The following ABAT variants were observed in gnomAD, a reference collection of about 807,000 sequenced individuals.
ABAT encodes 4-aminobutyrate aminotransferase, mitochondrial.
Under a neutral mutation model 64.6 loss-of-function variants are expected in ABAT, and 45 were observed. The ratio of observed to expected loss-of-function variants is 0.70; its 90% confidence interval spans 0.55 to 0.89. The LOEUF (loss-of-function observed/expected upper bound fraction) is 0.89, where lower values mean the gene tolerates loss of function less well. Ranked by LOEUF, ABAT falls within the 40% of genes least tolerant of loss-of-function variation. The pLI is 0.00. For missense variants in ABAT, 633 were observed against 658.4 expected, an observed-to-expected ratio of 0.96 and a Z score of 0.42; for synonymous variants, 297 against 250.5, an observed-to-expected ratio of 1.19 and a Z score of -1.75.
In ABAT at chr16:8,775,049, C is replaced by T; in HGVS notation, c.1114C>T (p.Pro372Ser). The T allele has an allele frequency of 6.2e-7, 1 of 1,614,186 alleles. No homozygotes were observed. The highest frequency in any genetic ancestry group is 2.2e-5 in the East Asian group (1 of 44,886). The change falls in exon 13 of 16, where the codon CCT (proline) becomes TCT (serine). Residue 372 changes from proline to serine, a missense_variant. Coordinates refer to ENST00000268251, the MANE Select transcript of ABAT (RefSeq NM_020686.6). ...CTTCTTCCACAAGGAGGAGTTCAGG[C>T]CTAATGCTGTGAGTTGGAGCCAACC... Reference protein sequence around the residue: ...GGFFHKEEFRPNAPYRIFNTW... With the variant: ...GGFFHKEEFRSNAPYRIFNTW...
intron 1 of ABAT, among the ~76,000 whole-genome samples, chr16:8,731,128 AATTTTTGTATTTT>A (rs2058707710): frequency 2.6e-5 from 4 of 151,982 alleles, no homozygotes; most frequent in Non-Finnish European, 5.9e-5. Flanking sequence ...ACACCCAGCT[AATTTTTGTATTTT>A]TAGTAGAGAC....
chr16:8,703,518 C>A (rs895032523), intron 1 of ABAT, among the ~76,000 whole-genome samples: 2 of 151,936 alleles, frequency 1.3e-5, no homozygotes, highest in East Asian at 3.9e-4. Context: ...AAGCAAAAGT[C>A]TTACAAATGT....
chr16:8,781,033 CAAAGG>C lies in ABAT; in HGVS notation c.1382-274_1382-270del, dbSNP rs1337344030. Among the ~76,000 whole-genome samples, 2 of 151,476 alleles carry C rather than the reference CAAAGG, an allele frequency of 1.3e-5. No homozygotes were observed. Among genetic ancestry groups the C allele is most frequent in the Non-Finnish European group, 2.9e-5 (2 of 67,976 alleles). On this transcript the variant is annotated intron_variant, in intron 15 of 15. Coordinates refer to ENST00000268251, the MANE Select transcript of ABAT (RefSeq NM_020686.6). This position sits in a 1 kb window ranked among gnomAD's most constrained non-coding sequence, Gnocchi z 4.5. ...AGCTTGGGGCAGCAAAGCAGGCACT[CAAAGG>C]AGAGAGGGAGGGAGGAAGGGAAAAA...
In ABAT at chr16:8,768,198, T is replaced by A; in HGVS notation, c.609T>A (p.Pro203=). The A allele has an allele frequency of 1.9e-6, 3 of 1,614,112 alleles. No individual in the cohort carries two copies. Among genetic ancestry groups the A allele is most frequent in the Non-Finnish European group, 2.5e-6 (3 of 1,180,024 alleles). The part of the protein sequence containing the change: ...ELETCMINQA[P]GCPDYSILSF... ...CTGATATTTCTTGGTTTTAGGCCCC[T>A]GGCTGCCCCGACTACAGCATCCTCT... The change falls in exon 10 of 16, where the codon CCT becomes CCA. Residue 203 remains proline, a synonymous_variant. Coordinates refer to ENST00000268251, the MANE Select transcript of ABAT (RefSeq NM_020686.6).
intron 2 of ABAT, among the ~76,000 whole-genome samples, chr16:8,744,358 G>A (rs559883403): frequency 6.6e-6 from 1 of 151,908 alleles, no homozygotes; most frequent in East Asian, 2.0e-4. Flanking sequence ...GAGCAAGCAG[G>A]GAGGAGCCAC....
chr16:8,778,593 TGTGAAACCA>T (rs1171118103), intron 14 of ABAT, among the ~76,000 whole-genome samples: 4 of 150,650 alleles, frequency 2.7e-5, no homozygotes, highest in Middle Eastern at 3.4e-3. Flanking sequence ...TGGCCTACAT[TGTGAAACCA>T]GTTTCTACTA....
intron 2 of ABAT, among the ~76,000 whole-genome samples, chr16:8,738,129 T>A (rs533968234): frequency 3.2e-4 from 49 of 151,638 alleles, no homozygotes; most frequent in Admixed American, 8.6e-4. Flanking sequence ...GAGACCAGCC[T>A]GGGCAACATA....
At chr16:8,769,899 C>G (rs2060054795) in intron 11 of ABAT, among the ~76,000 whole-genome samples, 1 of 151,994 alleles carries the variant, frequency 6.6e-6, no homozygotes, top group South Asian at 2.1e-4. Flanking sequence ...TTTTCTTAGG[C>G]ACATCATCAT....
intron 14 of ABAT, 22 bp from the exon 15 acceptor site, chr16:8,779,457 G>T (rs757355476): frequency 1.9e-6 from 3 of 1,606,510 alleles, no homozygotes; most frequent in South Asian, 2.2e-5. Flanking sequence ...TTTGACGCCA[G>T]CCTTGTCTCC....
At chr16:8,687,394 C>CGG (rs2057480023) in intron 1 of ABAT, among the ~76,000 whole-genome samples, 1 of 151,774 alleles carries the variant, frequency 6.6e-6, no homozygotes, top group Non-Finnish European at 1.5e-5. Context: ...GGTGTTGTGG[C>CGG]GCATGCCTGT....
At position 8,772,784 on chromosome 16, in the gene ABAT, A is replaced by G; in HGVS notation, c.821A>G (p.Glu274Gly). The G allele has an allele frequency of 6.2e-7, 1 of 1,614,096 alleles. No homozygotes were observed. Among genetic ancestry groups the G allele is most frequent in the Non-Finnish European group, 8.5e-7 (1 of 1,180,024 alleles). The change falls in exon 12 of 16, where the codon GAG (glutamate) becomes GGG (glycine). Residue 274 changes from glutamate to glycine, a missense_variant. Coordinates refer to ENST00000268251, the MANE Select transcript of ABAT (RefSeq NM_020686.6). ...ACTTTCCCCTTTGGGATCCAGGTGG[A>G]GGATCTGATTGTGAAATATCGGAAA... ...QEEARCLEEV[E>G]DLIVKYRKKK... is the part of the protein sequence containing the mutation.
At chr16:8,731,632 C>G (rs891732854) in intron 1 of ABAT, 1 of 142,550 alleles carries the variant, frequency 7.0e-6, no homozygotes, top group African/African-American at 2.6e-5. Context: ...GATCACTTTT[C>G]TTTTTTTTTT....
intron 1 of ABAT, among the ~76,000 whole-genome samples, chr16:8,684,927 A>G (rs183484973): frequency 1.1e-4 from 16 of 152,302 alleles, no homozygotes; most frequent in Middle Eastern, 3.4e-3. Context: ...TGGTTGGACA[A>G]GGCAGAATTT....
chr16:8,704,230 G>C (rs909227109), intron 1 of ABAT, among the ~76,000 whole-genome samples: 13 of 152,296 alleles, frequency 8.5e-5, no homozygotes, highest in African/African-American at 3.1e-4. Flanking sequence ...AGTCTGTTTG[G>C]AAGCTCATCT....
chr16:8,680,643 G>C (rs930027156), intron 1 of ABAT, among the ~76,000 whole-genome samples: 3 of 152,152 alleles, frequency 2.0e-5, no homozygotes, highest in African/African-American at 4.8e-5. Context: ...GGCCAGGCTG[G>C]TCTTGAACTA....
chr16:8,746,495 G>A (rs2059332334), intron 3 of ABAT, among the ~76,000 whole-genome samples: 1 of 152,042 alleles, frequency 6.6e-6, no homozygotes, highest in African/African-American at 2.4e-5. Flanking sequence ...AGAGGTTGCA[G>A]TGAGCCTCCT....
chr16:8,762,936 GTC>G (rs1190867914), intron 6 of ABAT, among the ~76,000 whole-genome samples: 3 of 151,938 alleles, frequency 2.0e-5, no homozygotes, highest in Non-Finnish European at 4.4e-5. Flanking sequence ...GCGAAACCCT[GTC>G]TCTATAAAAA....
chr16:8,752,942 C>T (rs1213073054), intron 5 of ABAT, among the ~76,000 whole-genome samples: 6 of 152,172 alleles, frequency 3.9e-5, no homozygotes, highest in Non-Finnish European at 7.3e-5. Flanking sequence ...TAAATGGCTA[C>T]AGCCACCTTG....
intron 6 of ABAT, among the ~76,000 whole-genome samples, chr16:8,761,870 C>T (rs2059806819): frequency 6.6e-6 from 1 of 152,208 alleles, no homozygotes; most frequent in African/African-American, 2.4e-5. Context: ...CCTGAAACTC[C>T]ACCATAATTA....
Sources: allele counts gnomAD v4.1 joint callset (sites outside exome capture counted in the v4.1 genomes callset), GRCh38; gene constraint gnomAD v4.1.1; non-coding constraint Gnocchi (gnomAD v3.1); transcripts MANE v1.5; gene names NCBI Gene and HGNC (gene_info 2026-07-23, HGNC 2026-07-21).